DDO: variants seen among roughly 807,000 people sequenced by gnomAD.
DDO encodes D-aspartate oxidase.
Under a neutral mutation model 16.8 loss-of-function variants are expected in DDO, and 16 were observed. The ratio of observed to expected loss-of-function variants is 0.95; its 90% CI spans 0.65 to 1.45. The LOEUF is 1.45. Among genes scored for constraint, DDO ranks in the 40% most tolerant of loss-of-function variants. The pLI is 0.00. For synonymous variants in DDO, 180 were observed against 167.2 expected (o/e 1.08, Z -0.59); for missense variants, 429 against 420.3 (o/e 1.02, Z -0.18).
intron 4 of DDO, among the ~76,000 whole-genome samples, chr6:110,404,048 A>G (rs1267303200): frequency 1.3e-5 from 2 of 152,234 alleles, no homozygotes; most frequent in Non-Finnish European, 2.9e-5. Flanking sequence ...CAAAATATAC[A>G]CATATGGGAA....
At chr6:110,393,476 C>T in intron 4 of DDO, 134 bp from the exon 5 acceptor site, 2 of 1,247,196 alleles carry the variant, frequency 1.6e-6, no homozygotes, top group Non-Finnish European at 2.1e-6. Context: ...GCTTCCAGGG[C>T]CCAGTCAGGC....
In DDO at chr6:110,413,173, A is replaced by G. The variant is rs879138294; in HGVS notation, c.172+118T>C. The G allele has an allele frequency of 1.4e-5, 17 of 1,205,650 alleles. No individual in the cohort carries two copies. The South Asian group carries it at 2.6e-4, about 18-fold the overall frequency. 74.7% of individuals were successfully genotyped at this position (1,205,650 alleles called of 1,614,324 possible). A position where few individuals can be genotyped will look rare whatever the true frequency, so the allele number is the denominator to read the frequency against. Reference sequence around the variant, plus strand: ...AAGAGAAAAAGAGGAAAGGAAAAAGAAAAAAACCTGCATATTACACTTACA... The same window carrying G: ...AAGAGAAAAAGAGGAAAGGAAAAAGGAAAAAACCTGCATATTACACTTACA... On this transcript the variant is annotated intron_variant, in intron 2 of 4. Coordinates refer to ENST00000368924, the MANE Select transcript of DDO (RefSeq NM_001372108.2).
chr6:110,403,031 A>G (rs577567092), intron 4 of DDO, among the ~76,000 whole-genome samples: 290 of 152,240 alleles, frequency 1.9e-3, no homozygotes, highest in African/African-American at 6.8e-3. Flanking sequence ...TTCAGCCCAA[A>G]CCACTAATAA....
At position 110,404,979 on chromosome 6, in the gene DDO, C is replaced by T. The variant is rs766499120; in HGVS notation, c.282-29G>A. The T allele has an allele frequency of 1.9e-6, 3 of 1,600,918 alleles. No individual in the cohort carries two copies. The South Asian group carries it at 3.3e-5, about 18-fold the overall frequency. ...AAACGTATTAAGTGAACATTTTTTC[C>T]TGAAATTTGTGAAATAACATATTTC... On this transcript the variant is annotated intron_variant, in intron 3 of 4. Transcript: ENST00000368924.
chr6:110,388,782 T>G (rs1218279357), downstream of DDO: 2 of 982,304 alleles, frequency 2.0e-6, no homozygotes, highest in Non-Finnish European at 2.4e-6. Flanking sequence ...AAGCAGAGAT[T>G]TAAGAAGGAA....
chr6:110,394,227 C>T (rs1475316775), intron 4 of DDO, among the ~76,000 whole-genome samples: 2 of 152,070 alleles, frequency 1.3e-5, no homozygotes, highest in Non-Finnish European at 2.9e-5. Context: ...ACCTCAGCCT[C>T]CTGAGTAGCT....
At chr6:110,391,603 G>A (rs1242663821), downstream of DDO, among the ~76,000 whole-genome samples, 1 of 151,976 alleles carries the variant, frequency 6.6e-6, no homozygotes, top group Non-Finnish European at 1.5e-5. Context: ...CCAAAGTGCT[G>A]GGATTGCACC....
intron 2 of DDO, among the ~76,000 whole-genome samples, chr6:110,409,306 G>A (rs1582490510): frequency 6.6e-6 from 1 of 152,222 alleles, no homozygotes; most frequent in East Asian, 1.9e-4. Flanking sequence ...TGTGGTTGAA[G>A]TATGTGGCCG....
intron 4 of DDO, among the ~76,000 whole-genome samples, chr6:110,404,155 G>C (rs1773570918): frequency 3.3e-5 from 5 of 152,198 alleles, no homozygotes; most frequent in Admixed American, 3.3e-4. Flanking sequence ...AGATACTCTT[G>C]ATGTGTTTCC....
chr6:110,399,060 C>A (rs1480443950), intron 4 of DDO, among the ~76,000 whole-genome samples: 1 of 152,132 alleles, frequency 6.6e-6, no homozygotes, highest in Non-Finnish European at 1.5e-5. Flanking sequence ...CTGGAAGGAG[C>A]CAGTAATAAA....
Position 110,412,611 on chromosome 6 carries a change from A to T in DDO, c.172+680T>A, listed in dbSNP as rs562128256. ...CTTCCTGTCCAGAGTGTTTAATCAC[A>T]GAGGCGAGAACCTCAGAGGTCCCCT... On this transcript the variant is annotated intron_variant, in intron 2 of 4. Transcript: ENST00000368924. 2.6e-5 allele frequency among the ~76,000 whole-genome samples: 4 copies of T among 152,330 alleles called. No homozygotes were observed. In the East Asian group the frequency reaches 7.7e-4, roughly 29 times the overall value.
intron 4 of DDO, among the ~76,000 whole-genome samples, chr6:110,394,448 A>G (rs939342961): frequency 6.6e-6 from 1 of 152,154 alleles, no homozygotes; most frequent in African/African-American, 2.4e-5. Flanking sequence ...AGTCTACCCA[A>G]TAAACAATAA....
At chr6:110,388,810 T>C, downstream of DDO, 1 of 983,408 alleles carries the variant, frequency 1.0e-6, no homozygotes. Flanking sequence ...GTTCTTCATG[T>C]TCAGAAAAAA....
rs558608860 is a variant in DDO, at chr6:110,407,121, A to G, written c.281+1213T>C. Among the ~76,000 whole-genome samples the G allele has an allele frequency of 1.4e-4, 22 of 152,236 alleles. 1 individual carries two copies. Among genetic ancestry groups the G allele is most frequent in the Non-Finnish European group, 2.9e-4 (20 of 68,052 alleles). On this transcript the variant is annotated intron_variant, in intron 3 of 4. Coordinates refer to ENST00000368924, the MANE Select transcript of DDO (RefSeq NM_001372108.2). ...TGAATATGTTGTTTTGAAGGAATAA[A>G]TAGATGAGTAAGGCTATATACTTAC...
At chr6:110,413,564 A>T (rs1436142747) in intron 1 of DDO, 98 bp from the exon 2 acceptor site, 2 of 1,246,126 alleles carry the variant, frequency 1.6e-6, no homozygotes, top group Non-Finnish European at 2.3e-6. Flanking sequence ...GTCTTCAGCC[A>T]CTCAGAATAA....
downstream of DDO, among the ~76,000 whole-genome samples, chr6:110,390,434 A>G (rs536170865): frequency 6.6e-6 from 1 of 152,374 alleles, no homozygotes; most frequent in East Asian, 1.9e-4. Flanking sequence ...AAAATGAATA[A>G]TGTTTCAGAG....
Position 110,392,580 on chromosome 6 carries a change from A to T in DDO, c.*195T>A. On this transcript the variant is annotated 3_prime_UTR_variant, in exon 5 of 5. Coordinates refer to ENST00000368924, the MANE Select transcript of DDO (RefSeq NM_001372108.2). ...TTGCACTCAAACTCCTGGGCTCAAC[A>T]ATCCTCCTGCCTCAGCCTCTCAAGT... The T allele has an allele frequency of 8.0e-7, 1 of 1,246,404 alleles. No homozygotes were observed. The highest frequency in any genetic ancestry group is 4.0e-5 in the Admixed American group (1 of 24,974). 77.2% of individuals were successfully genotyped at this position (1,246,404 alleles called of 1,614,324 possible). A position where few individuals can be genotyped will look rare whatever the true frequency, so the allele number is the denominator to read the frequency against.
intron 4 of DDO, among the ~76,000 whole-genome samples, chr6:110,400,086 A>T (rs2114819180): frequency 6.6e-6 from 1 of 152,278 alleles, no homozygotes; most frequent in Admixed American, 6.5e-5. Flanking sequence ...GTGGCGGGAA[A>T]TGCTGACCGC....
Position 110,392,595 on chromosome 6 carries a change from G to A in DDO, c.*180C>T, listed in dbSNP as rs1362918009. 8.0e-7 allele frequency: 1 copy of A among 1,257,016 alleles called. No individual in the cohort carries two copies. The highest frequency in any genetic ancestry group is 1.0e-6 in the Non-Finnish European group (1 of 1,002,942). 77.9% of individuals were successfully genotyped at this position (1,257,016 alleles called of 1,614,324 possible). A position where few individuals can be genotyped will look rare whatever the true frequency, so the allele number is the denominator to read the frequency against. On this transcript the variant is annotated 3_prime_UTR_variant, in exon 5 of 5. Coordinates refer to ENST00000368924, the MANE Select transcript of DDO (RefSeq NM_001372108.2). ...TGGGCTCAACAATCCTCCTGCCTCA[G>A]CCTCTCAAGTAGCTGGGACTATAGG...
Sources: gnomAD v4.1 joint callset for allele counts (sites outside exome capture counted in the v4.1 genomes callset) on GRCh38, gnomAD v4.1.1 for gene constraint, MANE v1.5 for transcripts, NCBI Gene and HGNC (gene_info 2026-07-23, HGNC 2026-07-21) for gene names.